The following ANTXR2 variants were observed in gnomAD, a reference collection of about 807,000 sequenced individuals.
ANTXR2 encodes the protein anthrax toxin receptor 2.
ANTXR2 carries 44 observed loss-of-function variants against 73.7 expected under a neutral mutation model. That is an observed-to-expected ratio of 0.60 (90% CI 0.47 to 0.77). The LOEUF is 0.77. ANTXR2 is among the 30% of genes least tolerant of loss of function. The pLI, the probability that ANTXR2 is intolerant of heterozygous loss-of-function variation, is 0.00. For missense variants in ANTXR2, 604 were observed against 592.5 expected, an observed-to-expected ratio of 1.02 and a Z score of -0.20; for synonymous variants, 217 against 205.9, an observed-to-expected ratio of 1.05 and a Z score of -0.46.
chr4:79,959,089 A>G (rs1385177822), intron 16 of ANTXR2, among the ~76,000 whole-genome samples: 1 of 152,104 alleles, frequency 6.6e-6, no homozygotes, highest in Non-Finnish European at 1.5e-5. Context: ...GAAAAAGACA[A>G]TAAAAATTAA....
rs1578203504 is a variant in ANTXR2 at position 80,072,662 on chromosome 4, G to C, written c.-102C>G. ...CACCCGGCACGCACTCTGGGGTGGGGGGCGGCGAGCAGCTGAGACGCCGGC... is the reference window on the plus strand; with the variant it reads ...CACCCGGCACGCACTCTGGGGTGGGCGGCGGCGAGCAGCTGAGACGCCGGC... On this transcript the variant is annotated 5_prime_UTR_variant, in exon 1 of 17. Transcript: ENST00000403729. 1 of 1,339,914 alleles carries C rather than the reference G, an allele frequency of 7.5e-7. No homozygotes were observed. 83.0% of individuals were successfully genotyped at this position (1,339,914 alleles called of 1,614,324 possible).
intron 12 of ANTXR2, among the ~76,000 whole-genome samples, chr4:79,985,554 G>A (rs1158272946): frequency 2.0e-5 from 3 of 152,032 alleles, no homozygotes; most frequent in Admixed American, 1.3e-4. Flanking sequence ...GCTGGGTGGT[G>A]AGACAGAGAC....
chr4:80,014,774 G>C (rs1247949143), intron 11 of ANTXR2, among the ~76,000 whole-genome samples: 3 of 152,138 alleles, frequency 2.0e-5, no homozygotes. Context: ...TAGAAGCGGA[G>C]AAACCTAACA....
intron 14 of ANTXR2, among the ~76,000 whole-genome samples, chr4:79,980,935 AAAAAAAAG>A (rs1049101671): frequency 1.3e-5 from 2 of 149,664 alleles, no homozygotes; most frequent in Non-Finnish European, 3.0e-5. Context: ...AAAAAAAAAA[AAAAAAAAG>A]AGAAGTACCT....
At chr4:80,022,137 A>G (rs1177711187) in intron 10 of ANTXR2, among the ~76,000 whole-genome samples, 1 of 152,190 alleles carries the variant, frequency 6.6e-6, no homozygotes, top group African/African-American at 2.4e-5. Context: ...CTCCACATGT[A>G]TTTTAGCATC....
At chr4:80,031,941 TCTAG>T (rs1361726760) in intron 9 of ANTXR2, among the ~76,000 whole-genome samples, 2 of 151,748 alleles carry the variant, frequency 1.3e-5, no homozygotes, top group Non-Finnish European at 3.0e-5. Context: ...CACATACCAT[TCTAG>T]ATACTATAAA....
chr4:79,988,801 G>C (rs1730326873), intron 12 of ANTXR2, among the ~76,000 whole-genome samples: 1 of 151,944 alleles, frequency 6.6e-6, no homozygotes, highest in Non-Finnish European at 1.5e-5. Flanking sequence ...CACACTAGCA[G>C]AACACAGTAC....
intron 11 of ANTXR2, among the ~76,000 whole-genome samples, chr4:80,018,215 T>C (rs759088668): frequency 6.6e-6 from 1 of 152,180 alleles, no homozygotes; most frequent in Non-Finnish European, 1.5e-5. Flanking sequence ...TATTTAGAAA[T>C]AATAACCATG....
intron 7 of ANTXR2, among the ~76,000 whole-genome samples, chr4:80,051,018 C>A (rs1022931578): frequency 1.3e-5 from 2 of 151,638 alleles, no homozygotes; most frequent in Non-Finnish European, 3.0e-5. Context: ...CACATTCCAG[C>A]CTACACCTCA....
intron 16 of ANTXR2, among the ~76,000 whole-genome samples, chr4:79,914,405 T>G (rs1376329674): frequency 5.9e-5 from 9 of 152,114 alleles, no homozygotes; most frequent in Non-Finnish European, 1.5e-5. Context: ...GTTTGACTAT[T>G]TTTTTTCTCA....
chr4:80,036,575 G>C (rs1226535361), intron 7 of ANTXR2, among the ~76,000 whole-genome samples: 1 of 151,998 alleles, frequency 6.6e-6, no homozygotes, highest in African/African-American at 2.4e-5. Context: ...CCGAGGCAGA[G>C]GGATCACTTG....
At position 80,072,793 on chromosome 4, in the gene ANTXR2, C is replaced by A. The variant is rs571202865; in HGVS notation, c.-233G>T. ...CCGCAGCTGCCGCCGGAACTCTTGA[C>A]GAATCCCAGTGGAAGCGCGATCCAG... is the stretch of plus-strand genomic sequence containing the variant. On this transcript the variant is annotated 5_prime_UTR_variant, in exon 1 of 17. Transcript: ENST00000403729. 12 of 1,128,926 alleles carry A rather than the reference C, an allele frequency of 1.1e-5. No homozygotes were observed. The highest frequency in any genetic ancestry group is 1.4e-5 in the Non-Finnish European group (12 of 880,800). 69.9% of individuals were successfully genotyped at this position (1,128,926 alleles called of 1,614,324 possible). A position where few individuals can be genotyped will look rare whatever the true frequency, so the allele number is the denominator to read the frequency against.
At chr4:80,042,413 TTTTC>T (rs888917114) in intron 7 of ANTXR2, among the ~76,000 whole-genome samples, 1 of 151,952 alleles carries the variant, frequency 6.6e-6, no homozygotes, top group African/African-American at 2.4e-5. Context: ...TTGGGGGTGT[TTTTC>T]TTTCTTTCTC....
chr4:79,967,334 G>T (rs1729412255), intron 16 of ANTXR2, among the ~76,000 whole-genome samples: 2 of 41,254 alleles, frequency 4.8e-5, no homozygotes, highest in African/African-American at 1.6e-4. Context: ...CGGCAACGAG[G>T]CTGGGGGAGG....
At position 80,069,618 on chromosome 4, in the gene ANTXR2, G is replaced by A. The variant is rs145773167; in HGVS notation, c.225-111C>T. 713 of 773,084 alleles carry A rather than the reference G, an allele frequency of 9.2e-4. 5 individuals carry two copies. In the African/African-American group the frequency reaches 0.012, roughly 13 times the overall value. 47.9% of individuals were successfully genotyped at this position (773,084 alleles called of 1,614,324 possible). ...AAAATTGGTCTCACTGAATGGTCCA[G>A]GCTTCTTTTAAATGACATTCCCTAA... On this transcript the variant is annotated intron_variant, in intron 2 of 16. Transcript: ENST00000403729.
chr4:80,015,486 CT>C (rs1578156797), intron 11 of ANTXR2, among the ~76,000 whole-genome samples: 1 of 152,142 alleles, frequency 6.6e-6, no homozygotes, highest in East Asian at 1.9e-4. Context: ...TGTGCCTTTT[CT>C]TTTCCTGTCC....
chr4:80,055,914 A>T lies in ANTXR2; in HGVS notation c.378+18T>A. The T allele has an allele frequency of 6.8e-7, 1 of 1,475,016 alleles. No homozygotes were observed. The allele number at this position is 1,475,016 out of a possible 1,614,324, so 91.4% of individuals were successfully genotyped here. ...AGAAAGCATTCTCTCCCATATTTAC[A>T]AATGTAAAATAACTTACTAGCTTTA... On this transcript the variant is annotated intron_variant, in intron 4 of 16. Coordinates refer to ENST00000403729, the MANE Select transcript of ANTXR2 (RefSeq NM_058172.6).
At chr4:80,005,847 C>T (rs12504282) in intron 12 of ANTXR2, among the ~76,000 whole-genome samples, 73,031 of 151,932 alleles carry the variant, frequency 0.48, 20,095 homozygotes, top group East Asian at 0.92. Flanking sequence ...TTAGACTGAT[C>T]GAATCTCTCC....
chr4:79,980,921 TAAAAAAA>T (rs11397721), intron 14 of ANTXR2, among the ~76,000 whole-genome samples: 32 of 137,568 alleles, frequency 2.3e-4, no homozygotes, highest in Non-Finnish European at 3.9e-4. Context: ...TTAAGGGCTT[TAAAAAAA>T]AAAAAAAAAA....
Sources: allele counts gnomAD v4.1 joint callset (sites outside exome capture counted in the v4.1 genomes callset), GRCh38; gene constraint gnomAD v4.1.1; transcripts MANE v1.5; gene names NCBI Gene and HGNC (gene_info 2026-07-23, HGNC 2026-07-21).